Variants in MARCHF3 observed in about 807,000 individuals in gnomAD.
The protein encoded by MARCHF3 is membrane associated ring-CH-type finger 3.
In MARCHF3, 13 loss-of-function variants were observed where a neutral mutation model predicts 24.2. The ratio of observed to expected loss-of-function variants is 0.54; its 90% CI spans 0.35 to 0.85. The LOEUF (loss-of-function observed/expected upper bound fraction) is 0.85. MARCHF3 is among the 40% of genes least tolerant of loss of function. The probability of loss-of-function intolerance (pLI) is 0.01; values close to 1 mark genes in which losing one functional copy is unlikely to be tolerated. For missense variants in MARCHF3, 276 were observed against 325.0 expected, an observed-to-expected ratio of 0.85 and a Z score of 1.16; for synonymous variants, 144 against 137.3, an observed-to-expected ratio of 1.05 and a Z score of -0.34.
intron 1 of MARCHF3, among the ~76,000 whole-genome samples, chr5:127,024,575 G>T (rs561090090): frequency 1.3e-5 from 2 of 152,208 alleles, no homozygotes; most frequent in African/African-American, 2.4e-5. Context: ...CCCATGATAG[G>T]TACTCAATTA....
At chr5:126,887,090 G>A (rs1580601467) in intron 3 of MARCHF3, among the ~76,000 whole-genome samples, 2 of 152,104 alleles carry the variant, frequency 1.3e-5, no homozygotes, top group South Asian at 4.1e-4. Context: ...TTTCTATAAA[G>A]CAGCAAATCA....
In MARCHF3 at chr5:126,970,838, A is replaced by G. The variant is rs576036435; in HGVS notation, c.-56-52611T>C. The stretch of plus-strand genomic sequence containing the variant: ...TGTCATTTCCAAAACCACAGCTTAA[A>G]CCTGAAAAACAAATGGGAAGCTGTG... On this transcript the variant is annotated intron_variant, in intron 1 of 4. Coordinates refer to ENST00000308660, the MANE Select transcript of MARCHF3 (RefSeq NM_178450.5). Among the ~76,000 whole-genome samples, 4 of 152,260 alleles carry G rather than the reference A, an allele frequency of 2.6e-5. No homozygotes were observed. The East Asian group carries it at 7.7e-4, about 29-fold the overall frequency.
In MARCHF3 at chr5:126,940,764, T is replaced by C. The variant is rs144865105; in HGVS notation, c.-56-22537A>G. On this transcript the variant is annotated intron_variant, in intron 1 of 4. Transcript: ENST00000308660. ...GCCCGGCCTAACTTTTTTTTTTTAA[T>C]TTTAAATTTTTGTTAAAATTACTGT... Among the ~76,000 whole-genome samples, 201 of 151,926 alleles carry C rather than the reference T, an allele frequency of 1.3e-3. 2 individuals are homozygous for C. The highest frequency in any genetic ancestry group is 4.6e-3 in the African/African-American group (192 of 41,364).
chr5:126,918,698 G>C (rs1246090972), intron 1 of MARCHF3, among the ~76,000 whole-genome samples: 4 of 152,202 alleles, frequency 2.6e-5, no homozygotes, highest in Non-Finnish European at 5.9e-5. Flanking sequence ...GAGAGAGAAA[G>C]AAGGAAGGAA....
intron 3 of MARCHF3, among the ~76,000 whole-genome samples, chr5:126,900,697 T>C (rs1754075334): frequency 6.6e-6 from 1 of 151,596 alleles, no homozygotes; most frequent in African/African-American, 2.4e-5. Flanking sequence ...CCTGGATTCT[T>C]CTTTAATTTT....
At chr5:126,978,916 C>CT (rs1287502648) in intron 1 of MARCHF3, among the ~76,000 whole-genome samples, 1 of 152,160 alleles carries the variant, frequency 6.6e-6, no homozygotes, top group Non-Finnish European at 1.5e-5. Flanking sequence ...AGGGCTCTGG[C>CT]TGAACTATCA....
chr5:126,896,757 G>A (rs1469272220), intron 3 of MARCHF3, among the ~76,000 whole-genome samples: 1 of 151,966 alleles, frequency 6.6e-6, no homozygotes, highest in Non-Finnish European at 1.5e-5. Flanking sequence ...GCATTTTAAG[G>A]GTTCAAGAGA....
At chr5:126,969,535 G>T (rs1202847677) in intron 1 of MARCHF3, among the ~76,000 whole-genome samples, 2 of 152,178 alleles carry the variant, frequency 1.3e-5, no homozygotes, top group Non-Finnish European at 2.9e-5. Flanking sequence ...TCTAACACAG[G>T]TATTTGGAAA....
At chr5:127,002,158 C>T (rs1053844492) in intron 1 of MARCHF3, among the ~76,000 whole-genome samples, 4 of 152,188 alleles carry the variant, frequency 2.6e-5, no homozygotes, top group African/African-American at 7.2e-5. Flanking sequence ...ACCAGGAAGA[C>T]GTTAACCCTA....
intron 1 of MARCHF3, among the ~76,000 whole-genome samples, chr5:127,024,248 A>G (rs993198662): frequency 6.6e-6 from 1 of 152,242 alleles, no homozygotes; most frequent in Non-Finnish European, 1.5e-5. Flanking sequence ...ACAGTTGAAC[A>G]CTAGGATTCA....
chr5:126,889,969 G>A (rs1290979048), intron 3 of MARCHF3, among the ~76,000 whole-genome samples: 1 of 152,004 alleles, frequency 6.6e-6, no homozygotes, highest in Non-Finnish European at 1.5e-5. Flanking sequence ...TCCCTCAGTA[G>A]CATCCTCACA....
chr5:126,870,419 TATC>T lies in MARCHF3; in HGVS notation c.*211_*213del, dbSNP rs1263581675. On this transcript the variant is annotated 3_prime_UTR_variant, in exon 5 of 5. Coordinates refer to ENST00000308660, the MANE Select transcript of MARCHF3 (RefSeq NM_178450.5). ...TAAACATGTTTGGCAGCTTAGCAAA[TATC>T]ATATGATTGCAGCATCCATCATTTG... 3 of 474,522 alleles carry T rather than the reference TATC, an allele frequency of 6.3e-6. No individual in the cohort carries two copies. Among genetic ancestry groups the T allele is most frequent in the Middle Eastern group, 5.5e-4 (1 of 1,812 alleles). The allele number at this position is 474,522 out of a possible 1,614,324, so 29.4% of individuals were successfully genotyped here. A position where few individuals can be genotyped will look rare whatever the true frequency, so the allele number is the denominator to read the frequency against.
In MARCHF3 at chr5:127,020,067, A is replaced by G. The variant is rs146267969; in HGVS notation, c.-57+10283T>C. Among the ~76,000 whole-genome samples the G allele has an allele frequency of 2.0e-4, 30 of 152,304 alleles. No homozygotes were observed. The East Asian group carries it at 5.8e-3, about 29-fold the overall frequency. ...AATAGAAAGATGGTACTTTAGCATG[A>G]GTAGCCAGTACCAAATAATCTCTGT... On this transcript the variant is annotated intron_variant, in intron 1 of 4. Transcript: ENST00000308660.
intron 4 of MARCHF3, among the ~76,000 whole-genome samples, chr5:126,875,421 AAC>A (rs1161279162): frequency 6.6e-5 from 10 of 152,232 alleles, no homozygotes; most frequent in Non-Finnish European, 1.3e-4. Flanking sequence ...CCCTTCCAGG[AAC>A]GGCTCCTCTG....
chr5:126,922,666 C>T (rs1749157002), intron 1 of MARCHF3, among the ~76,000 whole-genome samples: 1 of 152,072 alleles, frequency 6.6e-6, no homozygotes, highest in Non-Finnish European at 1.5e-5. Context: ...CCTGCCTCAG[C>T]CTCCCGAATA....
intron 3 of MARCHF3, among the ~76,000 whole-genome samples, chr5:126,880,375 G>A (rs74557605): frequency 3.0e-4 from 45 of 152,200 alleles, no homozygotes; most frequent in African/African-American, 1.1e-3. Context: ...ACTTGTCTGC[G>A]AATTTAAATA....
At chr5:127,002,474 T>TA (rs1040416797) in intron 1 of MARCHF3, among the ~76,000 whole-genome samples, 2 of 152,142 alleles carry the variant, frequency 1.3e-5, no homozygotes, top group African/African-American at 4.8e-5. Flanking sequence ...CAGAGAAACT[T>TA]ACACATATAA....
At chr5:126,901,695 C>A (rs191855421) in intron 3 of MARCHF3, among the ~76,000 whole-genome samples, 2 of 152,100 alleles carry the variant, frequency 1.3e-5, no homozygotes, top group Non-Finnish European at 2.9e-5. Flanking sequence ...CAGCAGGGAG[C>A]GTTATGCATA....
At position 126,914,906 on chromosome 5, in the gene MARCHF3, T is replaced by C. The variant is rs1432488943; in HGVS notation, c.393+24A>G. On this transcript the variant is annotated intron_variant, in intron 3 of 4. Transcript: ENST00000308660. Reference sequence around the variant, plus strand: ...TCATTTGCTCATTAGAGCTAAGTTTTCAGGACGTGCCCCACTTACTGACCT... The same window carrying C: ...TCATTTGCTCATTAGAGCTAAGTTTCCAGGACGTGCCCCACTTACTGACCT... The C allele has an allele frequency of 2.5e-6, 4 of 1,613,414 alleles. No individual in the cohort carries two copies. In the African/African-American group the frequency reaches 5.3e-5, roughly 22 times the overall value.
Sources: gnomAD v4.1 joint callset for allele counts (sites outside exome capture counted in the v4.1 genomes callset) on GRCh38, gnomAD v4.1.1 for gene constraint, MANE v1.5 for transcripts, NCBI Gene and HGNC (gene_info 2026-07-23, HGNC 2026-07-21) for gene names.